Variants in CAMK2G observed in about 807,000 individuals in gnomAD.
CAMK2G encodes calcium/calmodulin dependent protein kinase II gamma.
In CAMK2G, 23 loss-of-function variants were observed where a neutral mutation model predicts 88.7. The ratio of observed to expected loss-of-function variants is 0.26; its 90% CI spans 0.19 to 0.37. The LOEUF (loss-of-function observed/expected upper bound fraction) is 0.37, where lower values mean the gene tolerates loss of function less well. Among genes scored for constraint, CAMK2G ranks in the 10% least tolerant of loss-of-function variants. The pLI is 1.00. For synonymous variants in CAMK2G, 263 were observed against 294.8 expected, an observed-to-expected ratio of 0.89 and a Z score of 1.11; for missense variants, 476 against 780.8, an observed-to-expected ratio of 0.61 and a Z score of 4.65.
intron 15 of CAMK2G, among the ~76,000 whole-genome samples, chr10:73,826,325 CGGGA>C (rs376800646): frequency 1.2e-4 from 19 of 152,160 alleles, no homozygotes; most frequent in African/African-American, 4.6e-4. Context: ...CCCAGCTACT[CGGGA>C]GGCTGAGACA....
rs2094436872 is a variant in CAMK2G, at chr10:73,848,943, T to C, written c.517+70A>G. 14 of 996,008 alleles carry C rather than the reference T, an allele frequency of 1.4e-5. No homozygotes were observed. The highest frequency in any genetic ancestry group is 2.4e-5 in the East Asian group (1 of 41,990). The allele number at this position is 996,008 out of a possible 1,614,324, so 61.7% of individuals were successfully genotyped here. ...TTAAGGGTCTGGCTTCTAGTTCTAATAGAGGAAGGCAGATCAGGAAGAGGA... is the reference window on the plus strand; with the variant it reads ...TTAAGGGTCTGGCTTCTAGTTCTAACAGAGGAAGGCAGATCAGGAAGAGGA... On this transcript the variant is annotated intron_variant, in intron 7 of 22. Coordinates refer to ENST00000423381, the MANE Select transcript of CAMK2G (RefSeq NM_001367534.1). This position sits in a 1 kb window ranked among gnomAD's most constrained non-coding sequence, Gnocchi z 4.5.
chr10:73,865,463 C>T (rs768559064), intron 2 of CAMK2G, among the ~76,000 whole-genome samples: 56 of 152,192 alleles, frequency 3.7e-4, no homozygotes, highest in Non-Finnish European at 6.6e-4. Flanking sequence ...ACATACTGCC[C>T]GGCCACCACC....
chr10:73,856,454 C>T (rs184866772), intron 3 of CAMK2G, among the ~76,000 whole-genome samples: 2 of 152,304 alleles, frequency 1.3e-5, no homozygotes, highest in Admixed American at 1.3e-4. Context: ...CCGGAGCAGG[C>T]GAGGCTGTAC....
intron 10 of CAMK2G, among the ~76,000 whole-genome samples, chr10:73,844,391 A>G (rs2094066945): frequency 6.8e-6 from 1 of 147,890 alleles, no homozygotes; most frequent in Non-Finnish European, 1.5e-5. Context: ...GCTCCTGACC[A>G]ATATAATCTT....
intron 14 of CAMK2G, among the ~76,000 whole-genome samples, chr10:73,831,869 A>C (rs957681046): frequency 2.6e-5 from 4 of 152,122 alleles, no homozygotes; most frequent in Admixed American, 6.5e-5. Flanking sequence ...CAAAAAACAA[A>C]AAAAAAGATA....
At chr10:73,853,517 C>A (rs570208282) in intron 3 of CAMK2G, among the ~76,000 whole-genome samples, 1 of 152,204 alleles carries the variant, frequency 6.6e-6, no homozygotes, top group Non-Finnish European at 1.5e-5. Flanking sequence ...AAAGCCGGAA[C>A]CTTCCCAGAG....
chr10:73,870,235 G>C (rs548810912), intron 2 of CAMK2G, among the ~76,000 whole-genome samples: 1 of 152,180 alleles, frequency 6.6e-6, no homozygotes, highest in East Asian at 1.9e-4. Flanking sequence ...TGCCTCCTTC[G>C]GCCTAGTGGA....
Position 73,842,594 on chromosome 10 carries a change from C to T in CAMK2G, c.820-53G>A. Reference sequence around the variant, plus strand: ...CCCCAGCCCAGATCCTCTGCGCCTCCCACAGTCCTGGCACCGATACCATGC... The same window carrying T: ...CCCCAGCCCAGATCCTCTGCGCCTCTCACAGTCCTGGCACCGATACCATGC... On this transcript the variant is annotated intron_variant, in intron 10 of 22. Transcript: ENST00000423381. The surrounding 1 kb of genome is among the most constrained non-coding windows in gnomAD (Gnocchi z 4.6). The T allele has an allele frequency of 1.5e-6, 2 of 1,310,620 alleles. No individual in the cohort carries two copies. The highest frequency in any genetic ancestry group is 2.3e-5 in the East Asian group (1 of 43,576). The allele number at this position is 1,310,620 out of a possible 1,614,324, so 81.2% of individuals were successfully genotyped here.
At chr10:73,852,403 T>C in intron 4 of CAMK2G, 84 bp from the exon 5 acceptor site, 1 of 1,104,072 alleles carries the variant, frequency 9.1e-7, no homozygotes, top group South Asian at 1.3e-5. Flanking sequence ...AGGGTCACCC[T>C]GTAGAATGGC....
At chr10:73,867,480 T>C (rs188963501) in intron 2 of CAMK2G, among the ~76,000 whole-genome samples, 13 of 151,964 alleles carry the variant, frequency 8.6e-5, no homozygotes, top group Non-Finnish European at 1.8e-4. Flanking sequence ...CAGCCCCAAG[T>C]AAAACATCCC....
At chr10:73,872,087 G>A (rs916823780) in intron 2 of CAMK2G, among the ~76,000 whole-genome samples, 2 of 152,186 alleles carry the variant, frequency 1.3e-5, no homozygotes, top group Non-Finnish European at 2.9e-5. Context: ...GCAGCCCTCC[G>A]AGATCTGACC....
In CAMK2G at chr10:73,873,577, A is replaced by AC. The variant is rs1333406630; in HGVS notation, c.66-495dup. 3.0e-6 allele frequency: 3 copies of AC among 985,756 alleles called. No individual in the cohort carries two copies. In the East Asian group the frequency reaches 3.3e-4, roughly 110 times the overall value. 61.1% of individuals were successfully genotyped at this position (985,756 alleles called of 1,614,324 possible). On this transcript the variant is annotated intron_variant, in intron 1 of 22. Coordinates refer to ENST00000423381, the MANE Select transcript of CAMK2G (RefSeq NM_001367534.1). Reference sequence around the variant, plus strand: ...GGCAAAGTGAGGCTCAAACCCCCCCACAGCCGGTTTCATCTCACTGCATCC... The same window carrying AC: ...GGCAAAGTGAGGCTCAAACCCCCCCACCAGCCGGTTTCATCTCACTGCATCC...
chr10:73,852,136 T>G, intron 5 of CAMK2G, 118 bp downstream of exon 5: 1 of 769,342 alleles, frequency 1.3e-6, no homozygotes, highest in East Asian at 2.5e-5. Context: ...ACAAGAGCTA[T>G]TCTGATCTTC....
intron 18 of CAMK2G, among the ~76,000 whole-genome samples, chr10:73,820,493 T>TATATATATA (rs1491202927): frequency 7.7e-4 from 24 of 31,244 alleles, no homozygotes; most frequent in East Asian, 1.5e-3. Flanking sequence ...TATATATATA[T>TATATATATA]TTTTTTTTTT....
At chr10:73,831,679 G>A (rs1049318840) in intron 14 of CAMK2G, among the ~76,000 whole-genome samples, 4 of 151,276 alleles carry the variant, frequency 2.6e-5, no homozygotes, top group Admixed American at 6.6e-5. Context: ...AGACTAGCCT[G>A]GGCAACCCCG....
chr10:73,816,338 T>A, intron 21 of CAMK2G: 5 of 996,734 alleles, frequency 5.0e-6, no homozygotes, highest in Non-Finnish European at 4.8e-6. Context: ...CTTATCCTGG[T>A]TTTAATTTCC....
intron 14 of CAMK2G, among the ~76,000 whole-genome samples, chr10:73,836,652 T>C (rs1289235869): frequency 6.6e-6 from 1 of 152,178 alleles, no homozygotes; most frequent in African/African-American, 2.4e-5. Context: ...ACACAAGATC[T>C]TGGGAAAAGG....
Position 73,828,083 on chromosome 10 carries a change from G to T in CAMK2G, c.1086+6C>A, listed in dbSNP as rs2091550150. The T allele has an allele frequency of 1.2e-6, 2 of 1,612,650 alleles. No homozygotes were observed. Among genetic ancestry groups the T allele is most frequent in the Admixed American group, 1.7e-5 (1 of 60,022 alleles). On this transcript the variant is annotated splice_donor_region_variant and intron_variant, in intron 15 of 22. Transcript: ENST00000423381. ...AGTGGGCGATGGGTGGGCAGGCAAG[G>T]CTCACCATTAGGTGCACGCTGGAAC... is the stretch of plus-strand genomic sequence containing the variant.
chr10:73,841,921 C>T, intron 12 of CAMK2G: 1 of 534,146 alleles, frequency 1.9e-6, no homozygotes, highest in Non-Finnish European at 3.4e-6. Flanking sequence ...AAACAAGGTA[C>T]ATAGCAAGTT....
Sources: gnomAD v4.1 joint callset for allele counts (sites outside exome capture counted in the v4.1 genomes callset) on GRCh38, gnomAD v4.1.1 for gene constraint, Gnocchi (gnomAD v3.1) non-coding constraint, MANE v1.5 for transcripts, NCBI Gene and HGNC (gene_info 2026-07-23, HGNC 2026-07-21) for gene names.